CTPS2: variants seen among roughly 807,000 people sequenced by gnomAD.
The protein encoded by CTPS2 is CTP synthase II.
In CTPS2, 19 loss-of-function variants were observed where a neutral mutation model predicts 46.8. The ratio of observed to expected loss-of-function variants is 0.41; its 90% CI spans 0.28 to 0.60. The LOEUF is 0.60. Ranked by LOEUF, CTPS2 falls within the 20% of genes least tolerant of loss-of-function variation. The pLI, the probability that CTPS2 is intolerant of heterozygous loss-of-function variation, is 0.35. For synonymous variants in CTPS2, 151 were observed against 165.2 expected (o/e 0.91, Z 0.66); for missense variants, 286 against 447.6 (o/e 0.64, Z 3.26).
At chrX:16,665,003 G>A (rs1212329363) in intron 13 of CTPS2, among the ~76,000 whole-genome samples, 1 of 112,302 alleles carries the variant, frequency 8.9e-6, no homozygotes, top group Non-Finnish European at 1.9e-5. Flanking sequence ...TTTCTCCAGA[G>A]AAGACATACA....
In CTPS2 at chrX:16,588,731, A is replaced by T. The variant is rs1928741297; in HGVS notation, c.*1086T>A. The T allele has an allele frequency of 8.9e-6, 1 of 112,666 alleles. No homozygotes were observed. Among genetic ancestry groups the T allele is most frequent in the African/African-American group, 3.2e-5 (1 of 31,026 alleles). 9.3% of individuals were successfully genotyped at this position (112,666 alleles called of 1,213,427 possible). A position where few individuals can be genotyped will look rare whatever the true frequency, so the allele number is the denominator to read the frequency against. ...GGAGTGACTGCTAGTGTGTACAGGCATTTATTTTGGAGTGATGAAAATGTT... is the reference window on the plus strand; with the variant it reads ...GGAGTGACTGCTAGTGTGTACAGGCTTTTATTTTGGAGTGATGAAAATGTT... On this transcript the variant is annotated 3_prime_UTR_variant, in exon 19 of 19. Transcript: ENST00000359276.
chrX:16,682,169 G>A, intron 9 of CTPS2, among the ~76,000 whole-genome samples: 1 of 112,379 alleles, frequency 8.9e-6, no homozygotes, highest in Non-Finnish European at 1.9e-5. Flanking sequence ...TCAGAAATGT[G>A]CCTTAAACCT....
intron 13 of CTPS2, among the ~76,000 whole-genome samples, chrX:16,647,252 A>ATTTTTTTTTT (rs1932363451): frequency 7.4e-5 from 4 of 53,799 alleles, no homozygotes; most frequent in African/African-American, 3.2e-4. Flanking sequence ...CATTGGGCCC[A>ATTTTTTTTTT]TTCTTTTTTT....
At chrX:16,687,519 C>T (rs1307125399) in intron 8 of CTPS2, among the ~76,000 whole-genome samples, 1 of 103,778 alleles carries the variant, frequency 9.6e-6, no homozygotes, top group East Asian at 3.0e-4. Context: ...AGAAAAAAAG[C>T]ATAAACGCAT....
At chrX:16,631,631 C>A (rs768549053) in intron 14 of CTPS2, among the ~76,000 whole-genome samples, 6 of 112,340 alleles carry the variant, frequency 5.3e-5, no homozygotes, top group Non-Finnish European at 9.4e-5. Flanking sequence ...AAAACATGTT[C>A]TTTCTAGCAG....
intron 10 of CTPS2, among the ~76,000 whole-genome samples, chrX:16,677,696 G>T (rs1420167420): frequency 9.0e-6 from 1 of 111,552 alleles, no homozygotes; most frequent in Non-Finnish European, 1.9e-5. Context: ...GATAAAACAG[G>T]TTGCAGTAAA....
intron 17 of CTPS2, among the ~76,000 whole-genome samples, chrX:16,594,654 A>G: frequency 1.8e-5 from 2 of 111,799 alleles, no homozygotes. Flanking sequence ...TTCTAATCTA[A>G]CAGCTCTCAT....
chrX:16,703,295 G>A, intron 1 of CTPS2, among the ~76,000 whole-genome samples: 1 of 108,722 alleles, frequency 9.2e-6, no homozygotes, highest in Non-Finnish European at 1.9e-5. Context: ...CCAAAGTGCT[G>A]GGATAACAGG....
At chrX:16,688,765 G>GCAAAACAAAACAAAA (rs113592525) in intron 8 of CTPS2, among the ~76,000 whole-genome samples, 1 of 106,551 alleles carries the variant, frequency 9.4e-6, no homozygotes, top group Non-Finnish European at 1.9e-5. Context: ...TTAAAAACAA[G>GCAAAACAAAACAAAA]CAAAACAAAA....
chrX:16,629,331 C>A (rs985474121), intron 14 of CTPS2, among the ~76,000 whole-genome samples: 5 of 112,101 alleles, frequency 4.5e-5, no homozygotes, highest in African/African-American at 1.6e-4. Context: ...AGACAGCCAC[C>A]CTGCAGTGTG....
intron 6 of CTPS2, 80 bp downstream of exon 6, chrX:16,693,061 T>TAAAA (rs773531172): frequency 9.0e-6 from 5 of 553,978 alleles, no homozygotes; most frequent in South Asian, 2.9e-5. Flanking sequence ...CGTCTCAAAT[T>TAAAA]AAAAAAAAAA....
chrX:16,627,632 GC>G lies in CTPS2; in HGVS notation c.1394-7301del, dbSNP rs375079705. ...CAGTGTAGCTGCTGCTGATTGTTGA[GC>G]TTAAGCTGTGGCATTTCTCACACCT... On this transcript the variant is annotated intron_variant, in intron 14 of 18. Coordinates refer to ENST00000359276, the MANE Select transcript of CTPS2 (RefSeq NM_175859.3). Among the ~76,000 whole-genome samples, 379 of 111,547 alleles carry G rather than the reference GC, an allele frequency of 3.4e-3. 1 individual carries two copies. The highest frequency in any genetic ancestry group is 0.011 in the African/African-American group (348 of 30,718).
chrX:16,607,049 G>A (rs902388961), intron 17 of CTPS2, among the ~76,000 whole-genome samples: 4 of 112,985 alleles, frequency 3.5e-5, no homozygotes, highest in African/African-American at 9.6e-5. Context: ...ACCACACCCC[G>A]CTGGAAGCTC....
intron 13 of CTPS2, among the ~76,000 whole-genome samples, chrX:16,663,996 C>A (rs6527696): frequency 5.5e-5 from 6 of 109,496 alleles, no homozygotes; most frequent in Non-Finnish European, 9.5e-5. Flanking sequence ...CCACCACGCC[C>A]AGCTAATTTC....
chrX:16,666,262 G>A (rs183539321), intron 13 of CTPS2, among the ~76,000 whole-genome samples: 1 of 112,074 alleles, frequency 8.9e-6, no homozygotes, highest in African/African-American at 3.2e-5. Flanking sequence ...TTAGTGGTGA[G>A]CACAGTAGCA....
intron 2 of CTPS2, among the ~76,000 whole-genome samples, chrX:16,701,601 A>G (rs1289934884): frequency 9.4e-6 from 1 of 106,576 alleles, no homozygotes; most frequent in East Asian, 3.0e-4. Context: ...CAAGGGACAC[A>G]AACATTTTTT....
intron 13 of CTPS2, among the ~76,000 whole-genome samples, chrX:16,664,294 C>T (rs72616019): frequency 0.024 from 2,641 of 112,241 alleles, 100 homozygotes; most frequent in East Asian, 0.16. Context: ...GTTTTCCTGG[C>T]ACAGCCATTT....
intron 14 of CTPS2, among the ~76,000 whole-genome samples, chrX:16,629,690 A>C (rs1386898498): frequency 1.8e-5 from 2 of 111,746 alleles, no homozygotes; most frequent in African/African-American, 3.3e-5. Context: ...AGAGACAAGA[A>C]AGCAAAAGCC....
intron 13 of CTPS2, among the ~76,000 whole-genome samples, chrX:16,665,631 G>C (rs1303404131): frequency 1.8e-5 from 2 of 112,049 alleles, no homozygotes; most frequent in South Asian, 3.7e-4. Flanking sequence ...AGGAGGCTTG[G>C]GGGTGTCAGC....
Sources: allele counts gnomAD v4.1 joint callset (sites outside exome capture counted in the v4.1 genomes callset), GRCh38; gene constraint gnomAD v4.1.1; transcripts MANE v1.5; gene names NCBI Gene and HGNC (gene_info 2026-07-23, HGNC 2026-07-21).